Variants in MARK1 observed in about 807,000 individuals in gnomAD.
MARK1 encodes microtubule affinity regulating kinase 1, also known as serine/threonine-protein kinase MARK1.
In MARK1, 40 loss-of-function variants were observed where a neutral mutation model predicts 96.3. That is an observed-to-expected ratio of 0.42 (90% confidence interval 0.32 to 0.54). The LOEUF (loss-of-function observed/expected upper bound fraction) is 0.54, where lower values mean the gene tolerates loss of function less well. Ranked by LOEUF, MARK1 falls within the 20% of genes least tolerant of loss-of-function variation. The probability of loss-of-function intolerance (pLI) is 0.16; values close to 1 mark genes in which losing one functional copy is unlikely to be tolerated. For synonymous variants in MARK1, 317 were observed against 341.2 expected (o/e 0.93, Z 0.78); for missense variants, 719 against 984.6 (o/e 0.73, Z 3.61).
intron 16 of MARK1, among the ~76,000 whole-genome samples, chr1:220,655,675 T>A (rs1669130168): frequency 1.3e-5 from 2 of 152,226 alleles, no homozygotes; most frequent in Non-Finnish European, 1.5e-5. Flanking sequence ...CCACTATTCA[T>A]CTTTCACTTC....
chr1:220,543,136 T>C (rs1661257372), intron 1 of MARK1, among the ~76,000 whole-genome samples: 1 of 152,226 alleles, frequency 6.6e-6, no homozygotes, highest in South Asian at 2.1e-4. Context: ...AATTGATGAA[T>C]AGATCGAACT....
chr1:220,530,613 A>C (rs1173543962), intron 1 of MARK1, among the ~76,000 whole-genome samples: 2 of 152,204 alleles, frequency 1.3e-5, no homozygotes, highest in African/African-American at 4.8e-5. Context: ...AAGACATGAG[A>C]TATAATTATA....
intron 3 of MARK1, 85 bp downstream of exon 3, chr1:220,581,203 C>G (rs929789058): frequency 4.6e-6 from 2 of 432,244 alleles, no homozygotes; most frequent in African/African-American, 4.0e-5. Flanking sequence ...TCTAAATTTT[C>G]TATTAGGTAC....
intron 1 of MARK1, among the ~76,000 whole-genome samples, chr1:220,572,212 A>C (rs1238363695): frequency 6.6e-6 from 1 of 151,934 alleles, no homozygotes; most frequent in Non-Finnish European, 1.5e-5. Context: ...TGTTGTTCAG[A>C]TTTTGTGTAT....
chr1:220,662,366 G>A lies in MARK1; in HGVS notation c.*200G>A. 5.5e-6 allele frequency: 3 copies of A among 546,396 alleles called. No homozygotes were observed. The highest frequency in any genetic ancestry group is 5.6e-5 in the South Asian group (2 of 35,848). The allele number at this position is 546,396 out of a possible 1,614,324, so 33.8% of individuals were successfully genotyped here. On this transcript the variant is annotated 3_prime_UTR_variant, in exon 18 of 18. Coordinates refer to ENST00000366917, the MANE Select transcript of MARK1 (RefSeq NM_018650.5). ...ATAATAAATATCTGTAGCTTAAAAA[G>A]TAGGTTCACATGTACAGGTAAGTAT...
At chr1:220,578,267 G>C (rs777870561) in intron 1 of MARK1, among the ~76,000 whole-genome samples, 16 of 152,220 alleles carry the variant, frequency 1.1e-4, no homozygotes, top group Non-Finnish European at 1.9e-4. Context: ...TTTTATGTAT[G>C]TCAAAATGCA....
intron 6 of MARK1, among the ~76,000 whole-genome samples, chr1:220,613,153 A>G (rs773702031): frequency 6.6e-6 from 1 of 152,170 alleles, no homozygotes; most frequent in Non-Finnish European, 1.5e-5. Flanking sequence ...ATGGTTTGAG[A>G]TGGGAAGGTC....
intron 7 of MARK1, among the ~76,000 whole-genome samples, chr1:220,617,389 T>C (rs1321490040): frequency 6.6e-6 from 1 of 152,158 alleles, no homozygotes; most frequent in African/African-American, 2.4e-5. Flanking sequence ...ACTCTTATAA[T>C]TGTTGGACCT....
At chr1:220,548,032 A>G (rs1482606646) in intron 1 of MARK1, among the ~76,000 whole-genome samples, 1 of 152,258 alleles carries the variant, frequency 6.6e-6, no homozygotes, top group Non-Finnish European at 1.5e-5. Context: ...AACAAAATAC[A>G]TTCCTCTTCC....
rs3753877 is a variant in MARK1 at position 220,657,371 on chromosome 1, G to A, written c.1989-419G>A. On this transcript the variant is annotated intron_variant, in intron 16 of 17. Coordinates refer to ENST00000366917, the MANE Select transcript of MARK1 (RefSeq NM_018650.5). ...ATTGGTGTTTATTTGCTAACTACAA[G>A]GTTAATGTATATATTTTCTAAATTG... 3.4e-3 allele frequency among the ~76,000 whole-genome samples: 517 copies of A among 152,168 alleles called. 19 individuals carry two copies. The East Asian group carries it at 0.074, about 22-fold the overall frequency.
chr1:220,604,193 G>A (rs1023792502), intron 6 of MARK1, 56 bp downstream of exon 6: 2 of 1,135,010 alleles, frequency 1.8e-6, no homozygotes, highest in Non-Finnish European at 2.6e-6. Flanking sequence ...ATGTACAATG[G>A]ACAGTATTAC....
At chr1:220,568,081 GT>G (rs1663188963) in intron 1 of MARK1, among the ~76,000 whole-genome samples, 1 of 152,082 alleles carries the variant, frequency 6.6e-6, no homozygotes, top group Admixed American at 6.6e-5. Flanking sequence ...TAATAGATAT[GT>G]TTGTTAAAAT....
intron 3 of MARK1, among the ~76,000 whole-genome samples, chr1:220,582,608 C>T (rs1664314619): frequency 6.6e-6 from 1 of 152,138 alleles, no homozygotes; most frequent in Non-Finnish European, 1.5e-5. Flanking sequence ...GCATCTAGAA[C>T]TACTCAGGCC....
intron 5 of MARK1, among the ~76,000 whole-genome samples, chr1:220,600,511 C>T (rs1665667887): frequency 1.3e-5 from 2 of 152,192 alleles, no homozygotes; most frequent in South Asian, 2.1e-4. Flanking sequence ...TCATCTCCTG[C>T]ACTTTCCCTT....
intron 13 of MARK1, among the ~76,000 whole-genome samples, chr1:220,646,634 C>A (rs574523151): frequency 6.6e-6 from 1 of 152,128 alleles, no homozygotes; most frequent in Non-Finnish European, 1.5e-5. Flanking sequence ...AGAGGCATCA[C>A]GCTATCTGAC....
At chr1:220,546,477 A>G (rs1170084103) in intron 1 of MARK1, among the ~76,000 whole-genome samples, 1 of 152,188 alleles carries the variant, frequency 6.6e-6, no homozygotes, top group Non-Finnish European at 1.5e-5. Flanking sequence ...AAATACTAGG[A>G]TTGGTATATC....
chr1:220,588,817 T>C (rs1209678215), intron 3 of MARK1, among the ~76,000 whole-genome samples: 2 of 152,200 alleles, frequency 1.3e-5, no homozygotes, highest in African/African-American at 4.8e-5. Context: ...CATGTCACCT[T>C]CAGGGTAAAA....
chr1:220,625,045 T>G (rs1667250011), intron 9 of MARK1, among the ~76,000 whole-genome samples: 1 of 152,254 alleles, frequency 6.6e-6, no homozygotes, highest in South Asian at 2.1e-4. Context: ...TGTCTTCTTG[T>G]TGCTAATCTC....
intron 6 of MARK1, among the ~76,000 whole-genome samples, chr1:220,614,200 G>T (rs1343751996): frequency 6.6e-6 from 1 of 151,966 alleles, no homozygotes; most frequent in Non-Finnish European, 1.5e-5. Context: ...TAGAGACGGG[G>T]TCTCACTGTG....
Sources: allele counts gnomAD v4.1 joint callset (sites outside exome capture counted in the v4.1 genomes callset), GRCh38; gene constraint gnomAD v4.1.1; transcripts MANE v1.5; gene names NCBI Gene and HGNC (gene_info 2026-07-23, HGNC 2026-07-21).